ASTN2: variants seen among roughly 807,000 people sequenced by gnomAD.
ASTN2 encodes the protein astrotactin 2.
In ASTN2, 54 loss-of-function variants were observed where a neutral mutation model predicts 139.8. The ratio of observed to expected loss-of-function variants is 0.39; its 90% CI spans 0.31 to 0.48. The LOEUF (loss-of-function observed/expected upper bound fraction) is 0.48, where lower values mean the gene tolerates loss of function less well. Among genes scored for constraint, ASTN2 ranks in the 20% least tolerant of loss-of-function variants. The pLI, the probability that ASTN2 is intolerant of heterozygous loss-of-function variation, is 0.95. For synonymous variants in ASTN2, 756 were observed against 719.5 expected (o/e 1.05, Z -0.81); for missense variants, 1,565 against 1,725.1 (o/e 0.91, Z 1.64).
chr9:117,309,467 T>C (rs1012026006), intron 1 of ASTN2, among the ~76,000 whole-genome samples: 1 of 152,190 alleles, frequency 6.6e-6, no homozygotes, highest in East Asian at 1.9e-4. Flanking sequence ...AGAATGCGCT[T>C]TATGGCAGGC....
intron 2 of ASTN2, among the ~76,000 whole-genome samples, chr9:117,222,881 GA>G (rs112879842): frequency 8.2e-5 from 12 of 146,018 alleles, no homozygotes; most frequent in South Asian, 2.2e-4. Context: ...GTGTACAGAT[GA>G]AAAAAAAAAG....
intron 10 of ASTN2, among the ~76,000 whole-genome samples, chr9:116,873,001 A>T (rs1833205531): frequency 6.6e-6 from 1 of 152,156 alleles, no homozygotes; most frequent in African/African-American, 2.4e-5. Context: ...TAAAAAGCAG[A>T]TCCTGCTTTT....
At chr9:117,316,157 A>G (rs912444153) in intron 1 of ASTN2, among the ~76,000 whole-genome samples, 2 of 152,208 alleles carry the variant, frequency 1.3e-5, no homozygotes, top group East Asian at 3.9e-4. Flanking sequence ...CCATGCAATT[A>G]ACCACTCCTC....
intron 1 of ASTN2, among the ~76,000 whole-genome samples, chr9:117,311,858 T>C (rs1018235558): frequency 2.6e-5 from 4 of 152,090 alleles, no homozygotes; most frequent in Non-Finnish European, 4.4e-5. Context: ...ATGACACCCA[T>C]AGTCTATCCC....
intron 20 of ASTN2, among the ~76,000 whole-genome samples, chr9:116,447,734 C>T (rs998838490): frequency 3.9e-5 from 6 of 152,166 alleles, no homozygotes; most frequent in Admixed American, 2.0e-4. Flanking sequence ...CATGAAAGTG[C>T]TCAGCACAAT....
chr9:117,359,957 G>A (rs1349483304), intron 1 of ASTN2, among the ~76,000 whole-genome samples: 2 of 152,176 alleles, frequency 1.3e-5, no homozygotes, highest in African/African-American at 4.8e-5. Flanking sequence ...GTGAACATCG[G>A]CTTTTCTCAG....
intron 1 of ASTN2, among the ~76,000 whole-genome samples, chr9:117,323,133 G>A (rs973358505): frequency 2.6e-5 from 4 of 151,974 alleles, no homozygotes; most frequent in Non-Finnish European, 5.9e-5. Flanking sequence ...TATGTCTGGT[G>A]CAGAGACAGA....
chr9:117,072,734 A>T (rs1158652265), intron 5 of ASTN2, among the ~76,000 whole-genome samples: 2 of 152,074 alleles, frequency 1.3e-5, no homozygotes, highest in African/African-American at 4.8e-5. Flanking sequence ...TTATTTATTT[A>T]TTTTTTTAGC....
chr9:116,502,599 GGAGA>G (rs947827225), intron 19 of ASTN2, among the ~76,000 whole-genome samples: 4 of 150,536 alleles, frequency 2.7e-5, no homozygotes, highest in African/African-American at 9.8e-5. Context: ...GAGTTGGTGA[GGAGA>G]GAGAGAGAGA....
At chr9:116,466,663 C>A (rs1848655109) in intron 20 of ASTN2, among the ~76,000 whole-genome samples, 2 of 152,094 alleles carry the variant, frequency 1.3e-5, no homozygotes, top group African/African-American at 4.8e-5. Flanking sequence ...AGATATGGAC[C>A]CGGCTTTGTG....
intron 1 of ASTN2, among the ~76,000 whole-genome samples, chr9:117,366,173 A>G (rs1587984665): frequency 6.6e-6 from 1 of 152,100 alleles, no homozygotes; most frequent in South Asian, 2.1e-4. Context: ...GATTTCCAAA[A>G]CCGATGACTT....
chr9:116,862,835 CACACACAT>C (rs879624492), intron 11 of ASTN2, among the ~76,000 whole-genome samples: 2,381 of 101,530 alleles, frequency 0.023, 26 homozygotes, highest in Middle Eastern at 0.081. Context: ...CACACACACA[CACACACAT>C]ACACGTTAAA....
At chr9:116,722,028 T>A (rs1828485983) in intron 16 of ASTN2, among the ~76,000 whole-genome samples, 1 of 152,334 alleles carries the variant, frequency 6.6e-6, no homozygotes, top group African/African-American at 2.4e-5. Context: ...CCCTAGTTGA[T>A]CAGAATTGGC....
At chr9:116,978,522 C>G (rs1928990) in intron 7 of ASTN2, among the ~76,000 whole-genome samples, 12,142 of 150,228 alleles carry the variant, frequency 0.081, 991 homozygotes, top group African/African-American at 0.2. Context: ...CACACACACA[C>G]AGAGAGATAA....
At chr9:117,262,397 T>TTTTA (rs60952646) in intron 2 of ASTN2, among the ~76,000 whole-genome samples, 18,899 of 123,464 alleles carry the variant, frequency 0.15, 1,778 homozygotes, top group African/African-American at 0.27. Context: ...CTGTTTCTTT[T>TTTTA]TTTATTTATT....
chr9:116,513,188 C>A (rs543357407), intron 19 of ASTN2, among the ~76,000 whole-genome samples: 1 of 152,184 alleles, frequency 6.6e-6, no homozygotes, highest in Non-Finnish European at 1.5e-5. Context: ...TCTTGTAGGG[C>A]AGGCCTGGTG....
At chr9:116,537,184 C>T (rs1048763227) in intron 19 of ASTN2, among the ~76,000 whole-genome samples, 4 of 152,140 alleles carry the variant, frequency 2.6e-5, no homozygotes, top group African/African-American at 4.8e-5. Context: ...CCTGGTGTGC[C>T]GTTTGCTCAG....
At chr9:117,190,517 A>G (rs1263651798) in intron 3 of ASTN2, among the ~76,000 whole-genome samples, 2 of 152,160 alleles carry the variant, frequency 1.3e-5, no homozygotes, top group African/African-American at 2.4e-5. Context: ...TGTCACTCAC[A>G]GGAAGAGTCA....
intron 19 of ASTN2, chr9:116,582,409 G>A (rs928816980): frequency 6.6e-6 from 1 of 152,206 alleles, no homozygotes; most frequent in African/African-American, 2.4e-5. Context: ...TTTACTGAAT[G>A]CCTATTATGT....
Sources: allele counts gnomAD v4.1 joint callset (sites outside exome capture counted in the v4.1 genomes callset), GRCh38; gene constraint gnomAD v4.1.1; transcripts MANE v1.5; gene names NCBI Gene and HGNC (gene_info 2026-07-23, HGNC 2026-07-21).